Variants in ARHGAP20 observed in about 807,000 individuals in gnomAD.
ARHGAP20 encodes Rho GTPase activating protein 20.
In ARHGAP20, 34 loss-of-function variants were observed where a neutral mutation model predicts 73.7. The ratio of observed to expected loss-of-function variants is 0.46; its 90% CI spans 0.35 to 0.61. The LOEUF is 0.61. ARHGAP20 is among the 20% of genes least tolerant of loss of function. ARHGAP20 has a pLI of 0.00. For synonymous variants in ARHGAP20, 523 were observed against 518.2 expected (o/e 1.01, Z -0.13); for missense variants, 1,314 against 1,420.9 (o/e 0.92, Z 1.21).
intron 8 of ARHGAP20, among the ~76,000 whole-genome samples, chr11:110,607,005 CA>C (rs1948249411): frequency 2.0e-5 from 3 of 152,070 alleles, no homozygotes; most frequent in Admixed American, 1.3e-4. Context: ...AATGAATGCA[CA>C]GATCAGTTTG....
chr11:110,633,243 T>C (rs984059981), intron 2 of ARHGAP20, among the ~76,000 whole-genome samples: 1 of 152,192 alleles, frequency 6.6e-6, no homozygotes, highest in East Asian at 1.9e-4. Context: ...TGCTTACTTA[T>C]ATGTAAAGTA....
At chr11:110,619,334 A>G (rs183441845) in intron 4 of ARHGAP20, among the ~76,000 whole-genome samples, 1 of 148,764 alleles carries the variant, frequency 6.7e-6, no homozygotes, top group Non-Finnish European at 1.5e-5. Flanking sequence ...GTGATAGGGT[A>G]TATGCAGTGA....
intron 2 of ARHGAP20, among the ~76,000 whole-genome samples, chr11:110,648,228 TATATATATGTAAATATATATATGTAA>T (rs1444450657): frequency 1.1e-3 from 86 of 81,842 alleles, no homozygotes; most frequent in South Asian, 3.3e-3. Flanking sequence ...TATGTATATA[TATATATATGTAAATATATATATGTAA>T]ATATATATAT....
intron 2 of ARHGAP20, among the ~76,000 whole-genome samples, chr11:110,648,566 C>T (rs543402835): frequency 2.7e-5 from 4 of 150,470 alleles, no homozygotes; most frequent in African/African-American, 7.3e-5. Context: ...CCCACTGCAA[C>T]CTCCACCTCC....
intron 2 of ARHGAP20, among the ~76,000 whole-genome samples, chr11:110,648,484 A>ATTTTTT (rs34339794): frequency 7.6e-6 from 1 of 131,476 alleles, no homozygotes; most frequent in Non-Finnish European, 1.6e-5. Flanking sequence ...CATAACATGA[A>ATTTTTT]TTTTTTTTTT....
At chr11:110,637,120 C>T (rs777345162) in intron 2 of ARHGAP20, among the ~76,000 whole-genome samples, 1 of 152,038 alleles carries the variant, frequency 6.6e-6, no homozygotes, top group Non-Finnish European at 1.5e-5. Flanking sequence ...ACAGCTTTCA[C>T]AAAACCTGGC....
chr11:110,590,882 T>C (rs1009160309), intron 10 of ARHGAP20, 73 bp from the exon 11 acceptor site: 1 of 1,452,906 alleles, frequency 6.9e-7, no homozygotes, highest in Non-Finnish European at 9.2e-7. Context: ...TTGCCCTCTT[T>C]GGATGCCAGA....
intron 6 of ARHGAP20, among the ~76,000 whole-genome samples, chr11:110,613,702 C>T (rs537646394): frequency 5.4e-4 from 82 of 152,060 alleles, no homozygotes; most frequent in Non-Finnish European, 9.1e-4. Flanking sequence ...TCTGTAGTCT[C>T]ATACTATAAA....
intron 2 of ARHGAP20, among the ~76,000 whole-genome samples, chr11:110,680,990 GA>G (rs1283928314): frequency 6.6e-6 from 1 of 151,700 alleles, no homozygotes; most frequent in East Asian, 1.9e-4. Flanking sequence ...TCCTTGCAAG[GA>G]AAAAAAAGTG....
In ARHGAP20 at chr11:110,580,535, G is replaced by T; in HGVS notation, c.2411C>A (p.Ala804Glu). The change falls in exon 15 of 15, where the codon GCA (alanine) becomes GAA (glutamate). Residue 804 changes from alanine (A) to glutamate (E), a missense_variant. Ala to Glu is a moderately radical substitution (Grantham distance 107). Transcript: ENST00000683387. ...PKSKPVAISV[A>E]SYSPMSSQDH... ...CTGTGAGGACATAGGACTATAAGAT[G>T]CCACAGAAATGGCCACTGGCTTAGA... The T allele has an allele frequency of 1.2e-6, 2 of 1,614,206 alleles. No homozygotes were observed. The highest frequency in any genetic ancestry group is 1.7e-6 in the Non-Finnish European group (2 of 1,180,034).
intron 2 of ARHGAP20, among the ~76,000 whole-genome samples, chr11:110,659,019 T>C (rs992094330): frequency 3.3e-5 from 5 of 151,842 alleles, no homozygotes; most frequent in Non-Finnish European, 5.9e-5. Flanking sequence ...GCAATAAACA[T>C]ACGTGTGCAT....
rs1178407510 is a variant in ARHGAP20 at position 110,580,907 on chromosome 11, A to T, written c.2039T>A (p.Met680Lys). ...TGTGGACAGGTAGCTGGGTGTGCAC[A>T]TGGCAGATGGGGCCCTGGCATGATC... ...LRDHARAPSA[M>K]CTPSYLSTAA... Residue 680 changes from methionine (M) to lysine (K), a missense_variant, in exon 15 of 15, where the codon ATG becomes AAG. Met to Lys is a moderately conservative substitution (Grantham distance 95, BLOSUM62 -1). Transcript: ENST00000683387. The T allele has an allele frequency of 6.2e-7, 1 of 1,613,488 alleles. No homozygotes were observed. The highest frequency in any genetic ancestry group is 1.3e-5 in the African/African-American group (1 of 74,916).
chr11:110,626,012 C>T (rs1948736480), intron 3 of ARHGAP20, among the ~76,000 whole-genome samples: 1 of 152,126 alleles, frequency 6.6e-6, no homozygotes, highest in African/African-American at 2.4e-5. Context: ...ATGATTCCCA[C>T]AGAATTTAAG....
chr11:110,630,566 G>A, intron 3 of ARHGAP20, 62 bp downstream of exon 3: 2 of 1,489,118 alleles, frequency 1.3e-6, no homozygotes, highest in Non-Finnish European at 1.8e-6. Context: ...GAGTAGAAAG[G>A]GTATCTTTGT....
Position 110,580,532 on chromosome 11 carries a change from G to A in ARHGAP20, c.2414C>T (p.Ser805Phe), listed in dbSNP as rs757986794. 6.2e-7 allele frequency: 1 copy of A among 1,614,198 alleles called. No homozygotes were observed. The highest frequency in any genetic ancestry group is 2.2e-5 in the East Asian group (1 of 44,884). Residue 805 changes from serine to phenylalanine, a missense_variant, in exon 15 of 15, where the codon TCT becomes TTT. By Grantham distance (155) the Ser-to-Phe change is radical. Transcript: ENST00000683387. ...KSKPVAISVASYSPMSSQDHS... is the reference protein window; with the variant it reads ...KSKPVAISVAFYSPMSSQDHS... The stretch of plus-strand genomic sequence containing the variant: ...ATCCTGTGAGGACATAGGACTATAA[G>A]ATGCCACAGAAATGGCCACTGGCTT...
Position 110,609,053 on chromosome 11 carries a change from T to TA in ARHGAP20, c.709-4dup. On this transcript the variant is annotated splice_polypyrimidine_tract_variant and splice_region_variant and intron_variant, in intron 7 of 14. Transcript: ENST00000683387. ...AACTGGTAATCTCTCTCAGAGCCCT[T>TA]AGAGATAAAAGAGTTAAATGTCACA... 1.2e-6 allele frequency: 2 copies of TA among 1,612,114 alleles called. No homozygotes were observed. Among genetic ancestry groups the TA allele is most frequent in the Non-Finnish European group, 1.7e-6 (2 of 1,178,440 alleles).
In ARHGAP20 at chr11:110,580,706, T is replaced by C. The variant is rs143586555; in HGVS notation, c.2240A>G (p.Gln747Arg). ...TGTCTTTCCTTCCTCCTGGAGGGGT[T>C]GATTCTGCTTCAGATAGTCTTCATC... ...QKDEDYLKQN[Q>R]PLQEEGKTCF... The change falls in exon 15 of 15, where the codon CAA becomes CGA. Residue 747 changes from glutamine to arginine, a missense_variant. Around this residue, in one of 3 missense-constraint regions of ARHGAP20, gnomAD observed 641 missense variants for 636.9 expected, o/e 1.01. Transcript: ENST00000683387. 1 of 1,613,850 alleles carries C rather than the reference T, an allele frequency of 6.2e-7. No individual in the cohort carries two copies. The highest frequency in any genetic ancestry group is 1.3e-5 in the African/African-American group (1 of 74,918).
Position 110,583,683 on chromosome 11 carries a change from C to A in ARHGAP20, c.1470G>T (p.Gly490=). The change falls in exon 13 of 15, where the codon GGG becomes GGT. Residue 490 remains glycine (G), a synonymous_variant. Transcript: ENST00000683387. ...ANVVLLRYLF[G]VLHNIEQHSS... is the part of the protein sequence containing the mutation. ...AATGTTGCTCAATGTTGTGTAACAC[C>A]CCAAAAAGATACCTTAGGAGAACAA... 6.2e-7 allele frequency: 1 copy of A among 1,607,496 alleles called. No individual in the cohort carries two copies. The highest frequency in any genetic ancestry group is 1.1e-5 in the South Asian group (1 of 90,158).
At position 110,595,394 on chromosome 11, in the gene ARHGAP20, C is replaced by G. The variant is rs550568819; in HGVS notation, c.965-3239G>C. Among the ~76,000 whole-genome samples the G allele has an allele frequency of 3.9e-5, 6 of 152,260 alleles. No homozygotes were observed. The East Asian group carries it at 9.6e-4, about 24-fold the overall frequency. On this transcript the variant is annotated intron_variant, in intron 9 of 14. Transcript: ENST00000683387. Reference sequence around the variant, plus strand: ...GACACGATTGTATATCTAGAAAACCCCATGGTCTCAGCCCCAAATCTCCTT... The same window carrying G: ...GACACGATTGTATATCTAGAAAACCGCATGGTCTCAGCCCCAAATCTCCTT...
Sources: gnomAD v4.1 joint callset for allele counts (sites outside exome capture counted in the v4.1 genomes callset) on GRCh38, gnomAD v4.1.1 for gene constraint, gnomAD v4.1.1 regional missense constraint, MANE v1.5 for transcripts, NCBI Gene and HGNC (gene_info 2026-07-23, HGNC 2026-07-21) for gene names.